Variants in IKZF2 observed in about 807,000 individuals in gnomAD.
IKZF2 encodes zinc finger protein Helios.
In IKZF2, 15 loss-of-function variants were observed where a neutral mutation model predicts 49.2. That is an observed-to-expected ratio of 0.30 (90% CI 0.20 to 0.47). The LOEUF is 0.47. Ranked by LOEUF, IKZF2 falls within the 20% of genes least tolerant of loss-of-function variation. The pLI is 1.00. For missense variants in IKZF2, 567 were observed against 664.6 expected, an observed-to-expected ratio of 0.85 and a Z score of 1.61; for synonymous variants, 227 against 221.4, an observed-to-expected ratio of 1.03 and a Z score of -0.23.
chr2:213,097,843 C>T (rs566548823), intron 4 of IKZF2: 1 of 166,616 alleles, frequency 6.0e-6, no homozygotes, highest in Non-Finnish European at 1.3e-5. Flanking sequence ...AATATAATTA[C>T]ATATTTACAA....
intron 4 of IKZF2, among the ~76,000 whole-genome samples, chr2:213,120,014 G>A (rs1267858043): frequency 2.0e-5 from 3 of 152,172 alleles, no homozygotes; most frequent in Non-Finnish European, 4.4e-5. Flanking sequence ...CCCAGGTAAA[G>A]CAGCCAACTC....
intron 7 of IKZF2, among the ~76,000 whole-genome samples, chr2:213,016,175 C>T (rs1475758114): frequency 6.6e-6 from 1 of 152,064 alleles, no homozygotes; most frequent in African/African-American, 2.4e-5. Flanking sequence ...TGTTTTAAGG[C>T]TTTGCATTTA....
intron 6 of IKZF2, among the ~76,000 whole-genome samples, chr2:213,049,448 A>C (rs1055553872): frequency 6.6e-6 from 1 of 152,152 alleles, no homozygotes; most frequent in African/African-American, 2.4e-5. Context: ...AAAATTATAG[A>C]AAATATATAA....
At chr2:213,102,142 A>T (rs576924981) in intron 4 of IKZF2, among the ~76,000 whole-genome samples, 5 of 152,264 alleles carry the variant, frequency 3.3e-5, no homozygotes, top group Admixed American at 2.0e-4. Context: ...GGTGATTTTC[A>T]TGTTTTCAAT....
At position 213,007,573 on chromosome 2, in the gene IKZF2, G is replaced by A. The variant is rs1321180548; in HGVS notation, c.1368C>T (p.Asp456=). Residue 456 remains aspartate, a synonymous_variant, in exon 9 of 9, where the codon GAC becomes GAT. Coordinates refer to ENST00000434687, the MANE Select transcript of IKZF2 (RefSeq NM_001387220.1). ...TTKAPKGSLK[D]IYKVFNGEGE... ...CTTCTCCATTGAAGACCTTGTAGAT[G>A]TCCTTCAGAGAGCCCTTAGGAGCCT... 2 of 1,613,714 alleles carry A rather than the reference G, an allele frequency of 1.2e-6. No individual in the cohort carries two copies. Among genetic ancestry groups the A allele is most frequent in the South Asian group, 1.1e-5 (1 of 91,068 alleles).
intron 4 of IKZF2, among the ~76,000 whole-genome samples, chr2:213,078,838 A>G (rs974748544): frequency 9.8e-5 from 15 of 152,298 alleles, no homozygotes; most frequent in African/African-American, 3.6e-4. Context: ...CTTCTCTCCC[A>G]TGTTAACCAA....
At chr2:213,137,297 A>G (rs2060711234) in intron 4 of IKZF2, among the ~76,000 whole-genome samples, 1 of 152,124 alleles carries the variant, frequency 6.6e-6, no homozygotes, top group Non-Finnish European at 1.5e-5. Context: ...GACACAATCT[A>G]TTGCTGCTTT....
intron 6 of IKZF2, among the ~76,000 whole-genome samples, chr2:213,048,665 T>C (rs921616416): frequency 3.3e-5 from 5 of 152,098 alleles, no homozygotes; most frequent in African/African-American, 9.6e-5. Context: ...TGTTTTCGTG[T>C]TTGCATTAAT....
chr2:213,033,185 G>C (rs1698654077), intron 6 of IKZF2, among the ~76,000 whole-genome samples: 1 of 152,176 alleles, frequency 6.6e-6, no homozygotes, highest in Non-Finnish European at 1.5e-5. Context: ...CAGTAATTCA[G>C]TCACATCTTC....
intron 4 of IKZF2, among the ~76,000 whole-genome samples, chr2:213,141,513 C>A (rs534124177): frequency 6.6e-6 from 1 of 151,966 alleles, no homozygotes; most frequent in South Asian, 2.1e-4. Context: ...CTAGAAATAC[C>A]AATCTGCTTG....
intron 4 of IKZF2, among the ~76,000 whole-genome samples, chr2:213,073,233 T>C (rs914215510): frequency 1.1e-4 from 16 of 152,160 alleles, no homozygotes; most frequent in African/African-American, 3.9e-4. Flanking sequence ...GTTAATCTGG[T>C]ACTAGAAACT....
At chr2:213,039,584 A>C (rs1699411760) in intron 6 of IKZF2, among the ~76,000 whole-genome samples, 1 of 152,224 alleles carries the variant, frequency 6.6e-6, no homozygotes, top group South Asian at 2.1e-4. Context: ...GAAGTAAGAT[A>C]GATACATGTT....
At chr2:213,014,859 T>C (rs1206004487) in intron 7 of IKZF2, 1 of 152,040 alleles carries the variant, frequency 6.6e-6, no homozygotes, top group Non-Finnish European at 1.5e-5. Flanking sequence ...ACATAACTTA[T>C]TACTTGTTGT....
chr2:213,019,472 T>A (rs1198353410), intron 7 of IKZF2, among the ~76,000 whole-genome samples: 1 of 152,210 alleles, frequency 6.6e-6, no homozygotes, highest in African/African-American at 2.4e-5. Context: ...TTACAGTATT[T>A]ATCAACTCCT....
intron 4 of IKZF2, among the ~76,000 whole-genome samples, chr2:213,096,861 A>G (rs1706054710): frequency 6.6e-6 from 1 of 152,080 alleles, no homozygotes; most frequent in African/African-American, 2.4e-5. Context: ...AATAAAACCA[A>G]TACAATGTTA....
intron 4 of IKZF2, among the ~76,000 whole-genome samples, chr2:213,124,224 GCACGCACA>G (rs2060149410): frequency 2.0e-5 from 3 of 146,962 alleles, no homozygotes; most frequent in African/African-American, 7.5e-5. Context: ...GTCCTTGTGT[GCACGCACA>G]CATGCGCTCG....
At chr2:213,147,142 T>C (rs1192994941) in intron 4 of IKZF2, among the ~76,000 whole-genome samples, 2 of 152,146 alleles carry the variant, frequency 1.3e-5, no homozygotes, top group African/African-American at 2.4e-5. Flanking sequence ...TCAAAACATC[T>C]TTCCAAATTT....
In IKZF2 at chr2:213,137,852, A is replaced by T. The variant is rs1349118398; in HGVS notation, c.139+9856T>A. On this transcript the variant is annotated intron_variant, in intron 4 of 8. Coordinates refer to ENST00000434687, the MANE Select transcript of IKZF2 (RefSeq NM_001387220.1). ...GAAATTCTCACTGTTAATTCAACTG[A>T]AAACACAGCAACGTAGTACCCTAGC... 3.9e-5 allele frequency among the ~76,000 whole-genome samples: 6 copies of T among 152,110 alleles called. No homozygotes were observed. The East Asian group carries it at 1.2e-3, about 29-fold the overall frequency.
At chr2:213,037,592 T>C (rs1454690048) in intron 6 of IKZF2, among the ~76,000 whole-genome samples, 1 of 152,154 alleles carries the variant, frequency 6.6e-6, no homozygotes, top group Non-Finnish European at 1.5e-5. Flanking sequence ...ACCTCAAGTG[T>C]GTGTTTTAAG....
Sources: allele counts gnomAD v4.1 joint callset (sites outside exome capture counted in the v4.1 genomes callset), GRCh38; gene constraint gnomAD v4.1.1; transcripts MANE v1.5; gene names NCBI Gene and HGNC (gene_info 2026-07-23, HGNC 2026-07-21).